The following ACIN1 variants were observed in gnomAD, a reference collection of about 807,000 sequenced individuals.
The protein encoded by ACIN1 is apoptotic chromatin condensation inducer in the nucleus.
Under a neutral mutation model 146.6 loss-of-function variants are expected in ACIN1, and 16 were observed. The observed-to-expected ratio is 0.11, with a 90% CI of 0.07 to 0.17. The LOEUF (loss-of-function observed/expected upper bound fraction) is 0.17, where lower values mean the gene tolerates loss of function less well. ACIN1 is among the 10% of genes least tolerant of loss of function. ACIN1 has a pLI of 1.00. For missense variants in ACIN1, 1,357 were observed against 1,609.3 expected (o/e 0.84, Z 2.68); for synonymous variants, 569 against 582.7 (o/e 0.98, Z 0.34).
At chr14:23,061,964 T>A (rs1441863893) in intron 16 of ACIN1, among the ~76,000 whole-genome samples, 2 of 107,842 alleles carry the variant, frequency 1.9e-5, no homozygotes, top group Non-Finnish European at 3.4e-5. Context: ...ACAGCGAGAC[T>A]CTGTCTCAAA....
chr14:23,092,228 A>G (rs1471193603), intron 2 of ACIN1, among the ~76,000 whole-genome samples: 2 of 152,188 alleles, frequency 1.3e-5, no homozygotes, highest in Non-Finnish European at 2.9e-5. Flanking sequence ...AAAAAACCTG[A>G]ATACTTTCTA....
chr14:23,061,808 CT>C (rs1334911804), intron 16 of ACIN1, among the ~76,000 whole-genome samples, 186 bp from the exon 17 acceptor site: 1 of 151,882 alleles, frequency 6.6e-6, no homozygotes, highest in African/African-American at 2.4e-5. Context: ...CCCGTCTCTA[CT>C]GAAAATACAA....
intron 8 of ACIN1, among the ~76,000 whole-genome samples, chr14:23,070,825 G>A (rs1224065136): frequency 3.3e-5 from 5 of 152,174 alleles, no homozygotes; most frequent in Non-Finnish European, 5.9e-5. Flanking sequence ...GATGCACTAG[G>A]GGGGTTAGGG....
At position 23,090,614 on chromosome 14, in the gene ACIN1, T is replaced by C. The variant is rs1372258121; in HGVS notation, c.224A>G (p.Gln75Arg). 2.5e-6 allele frequency: 4 copies of C among 1,613,946 alleles called. No homozygotes were observed. The highest frequency in any genetic ancestry group is 8.5e-7 in the Non-Finnish European group (1 of 1,179,978). ...CAGATACTGTTTTATGAAACTGTTC[T>C]GGCTCATTTCCTCACCAATCTGTGT... ...PNSQIGEEMS[Q>R]NSFIKQYLEK... The change falls in exon 3 of 19, where the codon CAG (glutamine) becomes CGG (arginine). Residue 75 changes from glutamine (Q) to arginine (R), a missense_variant. This residue lies in a region of ACIN1 where 55 missense variants were observed against 123.9 expected (regional missense o/e 0.44). Transcript: ENST00000605057.
intron 8 of ACIN1, 46 bp downstream of exon 8, chr14:23,078,105 A>G: frequency 6.4e-7 from 1 of 1,556,146 alleles, no homozygotes; most frequent in Non-Finnish European, 8.9e-7. Flanking sequence ...GAACTATCGC[A>G]CACTCATAGT....
At chr14:23,061,704 T>C (rs2047286897) in intron 16 of ACIN1, 82 bp from the exon 17 acceptor site, 5 of 1,291,126 alleles carry the variant, frequency 3.9e-6, no homozygotes, top group East Asian at 2.5e-5. Context: ...CCGGGCGCGG[T>C]GGCTCACGCC....
At chr14:23,078,033 C>A in intron 8 of ACIN1, 118 bp downstream of exon 8, 2 of 869,170 alleles carry the variant, frequency 2.3e-6, no homozygotes, top group Non-Finnish European at 3.6e-6. Context: ...CCAGATAAAG[C>A]TCTGCCTTTA....
At position 23,067,597 on chromosome 14, in the gene ACIN1, G is replaced by A. The variant is rs866045537; in HGVS notation, c.2266-1589C>T. ...CAGGCTCAGCGAGGGATAGAGGGGGGAAAGGGGCAGAGACATCAGTCCTGG... is the reference window on the plus strand; with the variant it reads ...CAGGCTCAGCGAGGGATAGAGGGGGAAAAGGGGCAGAGACATCAGTCCTGG... On this transcript the variant is annotated intron_variant, in intron 9 of 18. Coordinates refer to ENST00000605057, the MANE Select transcript of ACIN1 (RefSeq NM_001386863.1). This position sits in a 1 kb window ranked among gnomAD's most constrained non-coding sequence, Gnocchi z 4.6. 2.5e-5 allele frequency: 25 copies of A among 985,834 alleles called. No homozygotes were observed. The highest frequency in any genetic ancestry group is 1.8e-4 in the Admixed American group (3 of 16,264). 61.1% of individuals were successfully genotyped at this position (985,834 alleles called of 1,614,324 possible).
chr14:23,074,230 TC>T lies in ACIN1; in HGVS notation c.2123+3920del, dbSNP rs367704474. On this transcript the variant is annotated intron_variant, in intron 8 of 18. Transcript: ENST00000605057. ...GCGTGTGTTTTCTATTTCCCCATGATCAATTCTGTGGGACCCAACAATTCCG... is the reference window on the plus strand; with the variant it reads ...GCGTGTGTTTTCTATTTCCCCATGATAATTCTGTGGGACCCAACAATTCCG... Among the ~76,000 whole-genome samples, 26 of 151,916 alleles carry T rather than the reference TC, an allele frequency of 1.7e-4. 1 individual carries two copies. In the South Asian group the frequency reaches 5.4e-3, roughly 32 times the overall value.
At chr14:23,093,417 C>CG in intron 2 of ACIN1, 62 bp downstream of exon 2, 1 of 1,487,438 alleles carries the variant, frequency 6.7e-7, no homozygotes, top group Non-Finnish European at 9.4e-7. Context: ...TACAACACCA[C>CG]GTCCTTCCAT....
At chr14:23,062,743 T>C in intron 14 of ACIN1, 186 bp downstream of exon 14, 1 of 856,496 alleles carries the variant, frequency 1.2e-6, no homozygotes, top group East Asian at 2.7e-5. Flanking sequence ...AAAACAACCC[T>C]GCAGGGCAAC....
intron 8 of ACIN1, chr14:23,071,397 G>A (rs760237213): frequency 3.9e-6 from 6 of 1,551,092 alleles, no homozygotes; most frequent in East Asian, 2.4e-5. Context: ...AACAGATCTG[G>A]CTTTTAAGAG....
Position 23,067,709 on chromosome 14 carries a change from C to G in ACIN1, c.2266-1701G>C, listed in dbSNP as rs1199836690. 1.0e-6 allele frequency: 1 copy of G among 985,854 alleles called. No individual in the cohort carries two copies. The highest frequency in any genetic ancestry group is 1.7e-5 in the African/African-American group (1 of 57,210). The allele number at this position is 985,854 out of a possible 1,614,324, so 61.1% of individuals were successfully genotyped here. A position where few individuals can be genotyped will look rare whatever the true frequency, so the allele number is the denominator to read the frequency against. ...CTTGCCTTTTATCGTGAGAGGCAGG[C>G]AGGACCCTATGTCCACCAGTGGCAA... On this transcript the variant is annotated intron_variant, in intron 9 of 18. Transcript: ENST00000605057. The surrounding 1 kb of genome is among the most constrained non-coding windows in gnomAD (Gnocchi z 4.6).
rs753461746 is a variant in ACIN1, at chr14:23,080,751, T to C, written c.584A>G (p.Glu195Gly). 9 of 1,613,486 alleles carry C rather than the reference T, an allele frequency of 5.6e-6. No homozygotes were observed. The South Asian group carries it at 9.9e-5, about 18-fold the overall frequency. The change falls in exon 6 of 19, where the codon GAA becomes GGA. Residue 195 changes from glutamate to glycine, a missense_variant. Transcript: ENST00000605057. ...GACCCTTAGGTTTCTGGAAGGTGTT[T>C]CTTGATCCTCTTCCTCCTCAGCAGG... ...SQPAEEEEDQ[E>G]TPSRNLRVRA...
At chr14:23,071,937 T>C (rs2047669957) in intron 8 of ACIN1, among the ~76,000 whole-genome samples, 1 of 152,080 alleles carries the variant, frequency 6.6e-6, no homozygotes, top group Admixed American at 6.5e-5. Flanking sequence ...TGAAAAGTGA[T>C]TAAAGAAGGA....
chr14:23,095,220 C>A (rs749085428), upstream of ACIN1: 1 of 1,613,924 alleles, frequency 6.2e-7, no homozygotes, highest in South Asian at 1.1e-5. Context: ...CCATACTCTA[C>A]CCCTCGATTA....
rs2140253919 is a variant in ACIN1 at position 23,093,719 on chromosome 14, G to T, written c.139-175C>A. ...CTAACACTGTTCTCATTCATCTTCA[G>T]AAGACCCATAAAGGTAGCCATGGTT... On this transcript the variant is annotated intron_variant, in intron 1 of 18. Coordinates refer to ENST00000605057, the MANE Select transcript of ACIN1 (RefSeq NM_001386863.1). 2.0e-5 allele frequency among the ~76,000 whole-genome samples: 3 copies of T among 152,272 alleles called. No homozygotes were observed. The East Asian group carries it at 5.8e-4, about 29-fold the overall frequency.
At position 23,079,591 on chromosome 14, in the gene ACIN1, T is replaced by C. The variant is rs368418150; in HGVS notation, c.1744A>G (p.Arg582Gly). ...GCTGAACGAGAACGTGAACGTGACC[T>C]TGATCTGGACTCTGATGTTGATCTG... ...GSRSTSESRSRSRSRSRSASS... is the reference protein window; with the variant it reads ...GSRSTSESRSGSRSRSRSASS... Residue 582 changes from arginine to glycine, a missense_variant, in exon 6 of 19, where the codon AGG becomes GGG. By Grantham distance (125) the Arg-to-Gly change is moderately radical. Around this residue, in one of 4 missense-constraint regions of ACIN1, gnomAD observed 771 missense variants for 746.6 expected, o/e 1.03. Transcript: ENST00000605057. 4 of 1,394,504 alleles carry C rather than the reference T, an allele frequency of 2.9e-6. No individual in the cohort carries two copies. The highest frequency in any genetic ancestry group is 1.8e-5 in the African/African-American group (1 of 54,848). 86.4% of individuals were successfully genotyped at this position (1,394,504 alleles called of 1,614,324 possible).
intron 1 of ACIN1, among the ~76,000 whole-genome samples, chr14:23,093,791 T>C (rs959145813): frequency 6.6e-6 from 1 of 152,246 alleles, no homozygotes; most frequent in African/African-American, 2.4e-5. Flanking sequence ...ACAGAATCAG[T>C]GACCTGGCTA....
Sources: gnomAD v4.1 joint callset for allele counts (sites outside exome capture counted in the v4.1 genomes callset) on GRCh38, gnomAD v4.1.1 for gene constraint, gnomAD v4.1.1 regional missense constraint, Gnocchi (gnomAD v3.1) non-coding constraint, MANE v1.5 for transcripts, NCBI Gene and HGNC (gene_info 2026-07-23, HGNC 2026-07-21) for gene names.